SEMA6D: variants seen among roughly 807,000 people sequenced by gnomAD.
The protein encoded by SEMA6D is semaphorin 6D, also known as semaphorin-6D.
Under a neutral mutation model 106.6 loss-of-function variants are expected in SEMA6D, and 35 were observed. The observed-to-expected ratio is 0.33, with a 90% CI of 0.25 to 0.44. The LOEUF (loss-of-function observed/expected upper bound fraction) is 0.44. Ranked by LOEUF, SEMA6D falls within the 20% of genes least tolerant of loss-of-function variation. The pLI is 1.00. For missense variants in SEMA6D, 1,185 were observed against 1,345.9 expected (o/e 0.88, Z 1.87); for synonymous variants, 499 against 487.7 (o/e 1.02, Z -0.31).
chr15:47,746,842 T>C (rs1311421690), intron 1 of SEMA6D, among the ~76,000 whole-genome samples: 6 of 152,110 alleles, frequency 3.9e-5, no homozygotes, highest in African/African-American at 1.4e-4. Flanking sequence ...GGCTGGGATA[T>C]GCCTGTGGAG....
At chr15:47,602,386 C>T (rs2076680935) in intron 4 of SEMA6D, among the ~76,000 whole-genome samples, 2 of 152,108 alleles carry the variant, frequency 1.3e-5, no homozygotes, top group African/African-American at 2.4e-5. Context: ...TCAGAAGCAC[C>T]ATAAAGCTTT....
chr15:47,330,026 T>C (rs1005870343), intron 1 of SEMA6D, among the ~76,000 whole-genome samples: 2 of 152,186 alleles, frequency 1.3e-5, no homozygotes, highest in Non-Finnish European at 2.9e-5. Flanking sequence ...ATAATGAGCA[T>C]CTATATTTAT....
At chr15:47,385,067 C>T (rs1322159945) in intron 1 of SEMA6D, among the ~76,000 whole-genome samples, 7 of 86,584 alleles carry the variant, frequency 8.1e-5, no homozygotes, top group African/African-American at 1.0e-4. Context: ...TTTTTTTTTA[C>T]CATAGAACTC....
At chr15:47,491,908 A>C (rs1303554691) in intron 3 of SEMA6D, among the ~76,000 whole-genome samples, 1 of 152,200 alleles carries the variant, frequency 6.6e-6, no homozygotes, top group East Asian at 1.9e-4. Context: ...GAATTAATTA[A>C]TAAACTCACA....
chr15:47,511,922 A>G (rs2044247633), intron 3 of SEMA6D, among the ~76,000 whole-genome samples: 1 of 152,192 alleles, frequency 6.6e-6, no homozygotes, highest in South Asian at 2.1e-4. Flanking sequence ...CTGGGAAAGC[A>G]GCTTGCCTGA....
chr15:47,620,726 A>G (rs950648446), intron 4 of SEMA6D, among the ~76,000 whole-genome samples: 4 of 151,352 alleles, frequency 2.6e-5, no homozygotes, highest in African/African-American at 9.7e-5. Context: ...ATATATATAT[A>G]TATTCTTTGT....
At chr15:47,742,032 C>T (rs569909449) in intron 1 of SEMA6D, among the ~76,000 whole-genome samples, 1 of 152,144 alleles carries the variant, frequency 6.6e-6, no homozygotes, top group Admixed American at 6.5e-5. Flanking sequence ...AGAGGAGCTG[C>T]AGAAGGTGTT....
intron 1 of SEMA6D, among the ~76,000 whole-genome samples, chr15:47,721,429 G>A (rs1423604212): frequency 6.6e-6 from 1 of 152,172 alleles, no homozygotes; most frequent in African/African-American, 2.4e-5. Context: ...ACCAAAGCTA[G>A]TGTCTTGGGT....
intron 3 of SEMA6D, among the ~76,000 whole-genome samples, chr15:47,582,543 T>A (rs2076273116): frequency 6.6e-6 from 1 of 152,138 alleles, no homozygotes; most frequent in Admixed American, 6.5e-5. Flanking sequence ...GTGAAGAGGC[T>A]GCTGGGTGTC....
At chr15:47,352,238 AT>A (rs1362556843) in intron 1 of SEMA6D, among the ~76,000 whole-genome samples, 1 of 152,216 alleles carries the variant, frequency 6.6e-6, no homozygotes, top group Non-Finnish European at 1.5e-5. Flanking sequence ...ATTTCTTTAC[AT>A]TTATAGTGTA....
At chr15:47,316,534 AT>A (rs1366048031) in intron 1 of SEMA6D, among the ~76,000 whole-genome samples, 1 of 148,258 alleles carries the variant, frequency 6.7e-6, no homozygotes, top group African/African-American at 2.5e-5. Context: ...TAGCTGTAGG[AT>A]TTTTTTGGGG....
intron 3 of SEMA6D, among the ~76,000 whole-genome samples, chr15:47,512,293 G>A (rs1190741542): frequency 6.6e-6 from 1 of 152,210 alleles, no homozygotes; most frequent in African/African-American, 2.4e-5. Context: ...GTTGTGATCT[G>A]CAGAGCAGTA....
chr15:47,574,577 G>A (rs1226746107), intron 3 of SEMA6D, among the ~76,000 whole-genome samples: 7 of 152,086 alleles, frequency 4.6e-5, no homozygotes, highest in Admixed American at 3.9e-4. Flanking sequence ...AAAATGCTGA[G>A]AAATCCCATT....
intron 4 of SEMA6D, among the ~76,000 whole-genome samples, chr15:47,684,836 G>A (rs1476232038): frequency 6.6e-6 from 1 of 152,046 alleles, no homozygotes; most frequent in Non-Finnish European, 1.5e-5. Context: ...AAAATGAAAG[G>A]TACTCCATTC....
At chr15:47,470,858 C>T (rs763722765) in intron 3 of SEMA6D, among the ~76,000 whole-genome samples, 13 of 152,028 alleles carry the variant, frequency 8.6e-5, no homozygotes. Flanking sequence ...CCAAGCACAC[C>T]GTTTGAATCA....
At chr15:47,224,834 T>G (rs576931126) in intron 1 of SEMA6D, among the ~76,000 whole-genome samples, 28 of 152,100 alleles carry the variant, frequency 1.8e-4, no homozygotes, top group African/African-American at 6.3e-4. Context: ...TTCCTGTCAC[T>G]CTAAACCAAT....
intron 1 of SEMA6D, among the ~76,000 whole-genome samples, chr15:47,278,610 T>G (rs1027518734): frequency 2.6e-5 from 4 of 152,180 alleles, no homozygotes; most frequent in Non-Finnish European, 5.9e-5. Context: ...AGAGGCTCTT[T>G]AGTTTAATTA....
intron 2 of SEMA6D, among the ~76,000 whole-genome samples, chr15:47,439,476 A>G (rs1486779281): frequency 6.6e-6 from 1 of 152,126 alleles, no homozygotes; most frequent in Non-Finnish European, 1.5e-5. Context: ...ATAATTTTGA[A>G]TGTACTTTCT....
intron 4 of SEMA6D, among the ~76,000 whole-genome samples, chr15:47,620,069 C>G (rs944544993): frequency 6.6e-6 from 1 of 152,090 alleles, no homozygotes; most frequent in African/African-American, 2.4e-5. Flanking sequence ...GACACCCCAG[C>G]CTGAACTCAC....
Sources: gnomAD v4.1 joint callset for allele counts (sites outside exome capture counted in the v4.1 genomes callset) on GRCh38, gnomAD v4.1.1 for gene constraint, MANE v1.5 for transcripts, NCBI Gene and HGNC (gene_info 2026-07-23, HGNC 2026-07-21) for gene names.